EP300: variants seen among roughly 807,000 people sequenced by gnomAD.
EP300 encodes the protein histone acetyltransferase p300.
Under a neutral mutation model 264.0 loss-of-function variants are expected in EP300, and 31 were observed. The observed-to-expected ratio is 0.12, with a 90% CI of 0.09 to 0.16. EP300 has a LOEUF of 0.16. Ranked by LOEUF, EP300 falls within the 10% of genes least tolerant of loss-of-function variation. The pLI is 1.00. For missense variants in EP300, 2,766 were observed against 3,052.9 expected, an observed-to-expected ratio of 0.91 and a Z score of 2.21; for synonymous variants, 1,340 against 1,045.4, an observed-to-expected ratio of 1.28 and a Z score of -5.44.
chr22:41,119,377 A>G (rs2058840005), intron 2 of EP300, among the ~76,000 whole-genome samples: 1 of 151,834 alleles, frequency 6.6e-6, no homozygotes, highest in South Asian at 2.1e-4. Context: ...ATTTGGAGTG[A>G]GAACCAAAAA....
At chr22:41,103,865 T>G (rs771477804) in intron 1 of EP300, among the ~76,000 whole-genome samples, 1 of 152,220 alleles carries the variant, frequency 6.6e-6, no homozygotes, top group African/African-American at 2.4e-5. Context: ...GCAGGAAGAC[T>G]AGGAGTACAT....
At chr22:41,148,934 T>C (rs2145735406) in intron 12 of EP300, 104 bp from the exon 13 acceptor site, 2 of 1,530,894 alleles carry the variant, frequency 1.3e-6, no homozygotes, top group Middle Eastern at 1.8e-4. Flanking sequence ...CTTTGGCTTT[T>C]CTCTACTTAA....
chr22:41,115,086 A>G (rs2058813587), intron 1 of EP300, among the ~76,000 whole-genome samples: 1 of 152,194 alleles, frequency 6.6e-6, no homozygotes, highest in East Asian at 1.9e-4. Flanking sequence ...GATGTGTACC[A>G]CTATGCCCAA....
At position 41,157,192 on chromosome 22, in the gene EP300, C is replaced by T. The variant is rs971045982; in HGVS notation, c.3285C>T (p.Ser1095=). The T allele has an allele frequency of 5.6e-6, 9 of 1,614,080 alleles. No homozygotes were observed. The highest frequency in any genetic ancestry group is 2.2e-5 in the East Asian group (1 of 44,878). Residue 1095 remains serine (S), a synonymous_variant, in exon 18 of 31, where the codon AGC becomes AGT. Transcript: ENST00000263253. ...AGGATTACTTTGATATTGTGAAGAG[C>T]CCCATGGATCTTTCTACCATTAAGA... is the stretch of plus-strand genomic sequence containing the variant. The part of the protein sequence containing the change: ...GIPDYFDIVK[S]PMDLSTIKRK...
chr22:41,158,293 CATT>C, intron 18 of EP300, 116 bp from the exon 19 acceptor site: 1 of 765,032 alleles, frequency 1.3e-6, no homozygotes, highest in Middle Eastern at 2.3e-4. Context: ...ATTAGCCCAT[CATT>C]ATTAACATAA....
At chr22:41,157,512 CTTTTTTTTT>C (rs1214250106) in intron 18 of EP300, 104 bp downstream of exon 18, 7 of 444,428 alleles carry the variant, frequency 1.6e-5, no homozygotes, top group African/African-American at 1.5e-4. Context: ...TTTGACATGG[CTTTTTTTTT>C]TTTTTTTTTT....
chr22:41,166,717 G>C (rs777992497), intron 23 of EP300, 51 bp downstream of exon 23: 2 of 1,276,330 alleles, frequency 1.6e-6, no homozygotes, highest in Admixed American at 3.5e-5. Flanking sequence ...CTGAAGCCTA[G>C]ATAAGAAACC....
At chr22:41,150,228 C>T (rs1294744500) in intron 14 of EP300, 30 bp downstream of exon 14, 2 of 1,574,516 alleles carry the variant, frequency 1.3e-6, no homozygotes, top group Admixed American at 1.8e-5. Context: ...TAGGCAGAAT[C>T]ATTAGAGCTA....
At chr22:41,096,162 CAAA>C (rs950010381) in intron 1 of EP300, among the ~76,000 whole-genome samples, 1 of 145,234 alleles carries the variant, frequency 6.9e-6, no homozygotes, top group African/African-American at 2.5e-5. Flanking sequence ...CCTCTCCCTC[CAAA>C]AAAAAAAGAT....
At chr22:41,138,325 G>C (rs930857209) in intron 8 of EP300, among the ~76,000 whole-genome samples, 1 of 152,038 alleles carries the variant, frequency 6.6e-6, no homozygotes, top group Non-Finnish European at 1.5e-5. Flanking sequence ...CACCTCACCT[G>C]GCTAATTTTT....
At chr22:41,167,598 A>G (rs1320227308) in intron 23 of EP300, among the ~76,000 whole-genome samples, 283 of 15,538 alleles carry the variant, frequency 0.018, 1 homozygote, top group African/African-American at 0.022. Flanking sequence ...ATATATATAT[A>G]TATATATATA....
Position 41,151,797 on chromosome 22 carries a change from G to A in EP300, c.2818-36G>A, listed in dbSNP as rs767844634. ...TGATTGTATCGTTGGCAGACTCTGC[G>A]TGTGTCTCACCTACTTCCCTTTTTT... On this transcript the variant is annotated intron_variant, in intron 14 of 30. Transcript: ENST00000263253. The A allele has an allele frequency of 3.1e-5, 49 of 1,605,318 alleles. No homozygotes were observed. In the South Asian group the frequency reaches 3.1e-4, roughly 10 times the overall value.
At chr22:41,176,044 G>A (rs757458660) in intron 29 of EP300, 1 of 615,004 alleles carries the variant, frequency 1.6e-6, no homozygotes, top group Non-Finnish European at 2.8e-6. Context: ...ACATGGCGAA[G>A]CCTCGTCTCT....
At chr22:41,147,507 G>T (rs1454341417) in intron 11 of EP300, among the ~76,000 whole-genome samples, 1 of 152,150 alleles carries the variant, frequency 6.6e-6, no homozygotes, top group African/African-American at 2.4e-5. Flanking sequence ...GGAGGCTGAG[G>T]CGGGCAGATC....
chr22:41,129,113 C>T (rs1344791395), intron 4 of EP300, among the ~76,000 whole-genome samples: 2 of 152,026 alleles, frequency 1.3e-5, no homozygotes, highest in African/African-American at 2.4e-5. Context: ...TGGGTTCATG[C>T]CATTCTCCTG....
chr22:41,162,584 A>C (rs2059113840), intron 20 of EP300, 139 bp from the exon 21 acceptor site: 1 of 675,088 alleles, frequency 1.5e-6, no homozygotes, highest in South Asian at 1.7e-5. Context: ...TGTGTGAGCC[A>C]AGAATACACC....
chr22:41,165,511 C>T (rs10854741), intron 22 of EP300, among the ~76,000 whole-genome samples: 5,515 of 152,136 alleles, frequency 0.036, 156 homozygotes, highest in Middle Eastern at 0.054. Context: ...GCAACCTCTG[C>T]CTCCCAGGTT....
chr22:41,148,554 T>C (rs2059025386), intron 12 of EP300, among the ~76,000 whole-genome samples: 1 of 152,188 alleles, frequency 6.6e-6, no homozygotes, highest in African/African-American at 2.4e-5. Flanking sequence ...TAGGGTAATT[T>C]TGGAAATGAC....
At chr22:41,093,942 ATG>A (rs1217577322) in intron 1 of EP300, among the ~76,000 whole-genome samples, 1 of 152,216 alleles carries the variant, frequency 6.6e-6, no homozygotes, top group Non-Finnish European at 1.5e-5. Flanking sequence ...AAAGTTTAAA[ATG>A]TGCATTAGGT....
Sources: gnomAD v4.1 joint callset for allele counts (sites outside exome capture counted in the v4.1 genomes callset) on GRCh38, gnomAD v4.1.1 for gene constraint, MANE v1.5 for transcripts, NCBI Gene and HGNC (gene_info 2026-07-23, HGNC 2026-07-21) for gene names.